The following DRD3 variants were observed in gnomAD, a reference collection of about 807,000 sequenced individuals.
DRD3 encodes the protein dopamine receptor D3, also known as D(3) dopamine receptor.
A neutral mutation model predicts 36.3 loss-of-function variants in DRD3; 19 were observed. The ratio of observed to expected loss-of-function variants is 0.52; its 90% CI spans 0.36 to 0.77. The LOEUF (loss-of-function observed/expected upper bound fraction) is 0.77. Ranked by LOEUF, DRD3 falls within the 30% of genes least tolerant of loss-of-function variation. The pLI, the probability that DRD3 is intolerant of heterozygous loss-of-function variation, is 0.00. For synonymous variants in DRD3, 195 were observed against 203.7 expected (o/e 0.96, Z 0.36); for missense variants, 465 against 505.3 (o/e 0.92, Z 0.77).
intron 6 of DRD3, 138 bp downstream of exon 6, chr3:114,130,980 A>G (rs1214963709): frequency 8.4e-7 from 1 of 1,184,584 alleles, no homozygotes; most frequent in Non-Finnish European, 1.1e-6. Context: ...GCATTTATAC[A>G]CAAATACTTT....
chr3:114,136,319 G>T (rs2077474355), intron 5 of DRD3, among the ~76,000 whole-genome samples: 1 of 152,114 alleles, frequency 6.6e-6, no homozygotes, highest in Admixed American at 6.6e-5. Context: ...GTAGGAAAAT[G>T]ATTCTTCCAA....
Position 114,141,024 on chromosome 3 carries a change from CAATT to C in DRD3, c.527-1332_527-1329del, listed in dbSNP as rs1411870990. Among the ~76,000 whole-genome samples the C allele has an allele frequency of 5.9e-5, 9 of 152,212 alleles. No homozygotes were observed. The South Asian group carries it at 1.2e-3, about 21-fold the overall frequency. On this transcript the variant is annotated intron_variant, in intron 4 of 6. Transcript: ENST00000383673. ...TCTTGGACACGTTTCTTTAATTAATCAATTAATTAATTTATTTATTTTTTGAGAC... is the reference window on the plus strand; with the variant it reads ...TCTTGGACACGTTTCTTTAATTAATCAATTAATTTATTTATTTTTTGAGAC...
At chr3:114,171,400 A>C (rs1310483935) in intron 2 of DRD3, among the ~76,000 whole-genome samples, 1 of 152,066 alleles carries the variant, frequency 6.6e-6, no homozygotes, top group African/African-American at 2.4e-5. Context: ...CACCCAGCCC[A>C]CCATGTCATT....
intron 1 of DRD3, among the ~76,000 whole-genome samples, chr3:114,188,374 G>C (rs1344334648): frequency 2.0e-5 from 3 of 152,170 alleles, no homozygotes; most frequent in Middle Eastern, 3.4e-3. Context: ...ACAACACCCA[G>C]CTAATTTTTG....
At chr3:114,183,020 T>C (rs2077956529), upstream of DRD3, among the ~76,000 whole-genome samples, 1 of 152,222 alleles carries the variant, frequency 6.6e-6, no homozygotes, top group Non-Finnish European at 1.5e-5. Flanking sequence ...AGAAATGGAA[T>C]TGCTGGTTCA....
At chr3:114,190,411 AATATATATATATATATATATATATAT>A (rs1176905493) in intron 1 of DRD3, among the ~76,000 whole-genome samples, 2,457 of 40,874 alleles carry the variant, frequency 0.06, 132 homozygotes, top group Non-Finnish European at 0.089. Flanking sequence ...GAAAAAGGAT[AATATATATATATATATATATATATAT>A]ATATATATAT....
chr3:114,140,255 T>A (rs994193172), intron 4 of DRD3, among the ~76,000 whole-genome samples: 2 of 152,144 alleles, frequency 1.3e-5, no homozygotes, highest in Non-Finnish European at 2.9e-5. Flanking sequence ...AAGACAGAGA[T>A]TTGATTTTTC....
chr3:114,177,482 A>G (rs1577625691), intron 1 of DRD3, among the ~76,000 whole-genome samples: 2 of 152,272 alleles, frequency 1.3e-5, no homozygotes, highest in African/African-American at 4.8e-5. Context: ...TGAGCATCCT[A>G]CCATTCTAAT....
chr3:114,196,129 A>T (rs76129634), intron 1 of DRD3, among the ~76,000 whole-genome samples: 6,519 of 152,280 alleles, frequency 0.043, 186 homozygotes, highest in Middle Eastern at 0.12. Context: ...TTTGTTGTTC[A>T]CTTGGCCTAG....
chr3:114,172,609 G>A (rs1481383194), intron 1 of DRD3, among the ~76,000 whole-genome samples: 1 of 152,166 alleles, frequency 6.6e-6, no homozygotes, highest in African/African-American at 2.4e-5. Flanking sequence ...TACCATGCTT[G>A]GACTCTGAGT....
chr3:114,192,113 A>G (rs1369581990), intron 1 of DRD3, among the ~76,000 whole-genome samples: 1 of 152,180 alleles, frequency 6.6e-6, no homozygotes, highest in Non-Finnish European at 1.5e-5. Flanking sequence ...GTTAACTATT[A>G]TAGAAGCAGA....
chr3:114,142,064 A>G (rs1028273949), intron 4 of DRD3, among the ~76,000 whole-genome samples: 2 of 151,322 alleles, frequency 1.3e-5, no homozygotes, highest in East Asian at 1.9e-4. Context: ...AAAAAAAAAA[A>G]AAAAAAAAGA....
chr3:114,130,294 A>G (rs1401573669), intron 6 of DRD3, among the ~76,000 whole-genome samples: 1 of 152,128 alleles, frequency 6.6e-6, no homozygotes, highest in Admixed American at 6.6e-5. Flanking sequence ...GATTGTATGC[A>G]TTATGGAAAG....
At position 114,129,000 on chromosome 3, in the gene DRD3, T is replaced by C. The variant is rs927866405; in HGVS notation, c.1007-88A>G. Reference sequence around the variant, plus strand: ...GAGAATGACTCACGGTTGTCTACTTTATGCCAGCCACTAAGCTGGAAGTTT... The same window carrying C: ...GAGAATGACTCACGGTTGTCTACTTCATGCCAGCCACTAAGCTGGAAGTTT... On this transcript the variant is annotated intron_variant, in intron 6 of 6. Coordinates refer to ENST00000383673, the MANE Select transcript of DRD3 (RefSeq NM_000796.6). The C allele has an allele frequency of 4.4e-6, 6 of 1,377,412 alleles. No individual in the cohort carries two copies. The African/African-American group carries it at 7.3e-5, about 17-fold the overall frequency. 85.3% of individuals were successfully genotyped at this position (1,377,412 alleles called of 1,614,324 possible).
chr3:114,137,401 A>G (rs1559982233), intron 5 of DRD3, among the ~76,000 whole-genome samples: 1 of 152,224 alleles, frequency 6.6e-6, no homozygotes, highest in Non-Finnish European at 1.5e-5. Flanking sequence ...AATATTTTGA[A>G]TGCAATACTT....
upstream of DRD3, among the ~76,000 whole-genome samples, chr3:114,182,592 A>G (rs79208079): frequency 2.7e-3 from 416 of 151,992 alleles, 1 homozygote; most frequent in African/African-American, 9.5e-3. Context: ...ACCCTCCATC[A>G]TCATCTAATT....
chr3:114,190,425 T>C (rs2077998946), intron 1 of DRD3, among the ~76,000 whole-genome samples: 3 of 5,400 alleles, frequency 5.6e-4, no homozygotes, highest in Non-Finnish European at 3.6e-4. Context: ...TATATATATA[T>C]ATATATATAT....
At chr3:114,185,977 G>A (rs1027740752) in intron 1 of DRD3, among the ~76,000 whole-genome samples, 25 of 151,926 alleles carry the variant, frequency 1.6e-4, no homozygotes, top group Admixed American at 3.9e-4. Flanking sequence ...TCTTCTCCAG[G>A]GCTTGCATAT....
In DRD3 at chr3:114,197,363, TC is replaced by T. The variant is rs374796525; in HGVS notation, c.-156+1909del. Among the ~76,000 whole-genome samples the T allele has an allele frequency of 3.9e-3, 550 of 139,884 alleles. 3 individuals carry two copies. Among genetic ancestry groups the T allele is most frequent in the African/African-American group, 0.014 (520 of 37,536 alleles). 91.8% of individuals were successfully genotyped at this position (139,884 alleles called of 152,430 possible). A position where few individuals can be genotyped will look rare whatever the true frequency, so the allele number is the denominator to read the frequency against. On this transcript the variant is annotated intron_variant, in intron 1 of 7. Coordinates refer to the DRD3 transcript ENST00000460779. ...CTTGAACTCCTGGCCTCAAACAATC[TC>T]CCCACCTCAGACTCCCAAAATGCTG...
Sources: gnomAD v4.1 joint callset for allele counts (sites outside exome capture counted in the v4.1 genomes callset) on GRCh38, gnomAD v4.1.1 for gene constraint, MANE v1.5 for transcripts, NCBI Gene and HGNC (gene_info 2026-07-23, HGNC 2026-07-21) for gene names.